Variants in TAFA5 observed in about 807,000 individuals in gnomAD.
The protein encoded by TAFA5 is chemokine-like protein TAFA-5.
TAFA5 carries 6 observed loss-of-function variants against 15.3 expected under a neutral mutation model. The observed-to-expected ratio is 0.39, with a 90% CI of 0.21 to 0.77. The LOEUF (loss-of-function observed/expected upper bound fraction) is 0.77. Ranked by LOEUF, TAFA5 falls within the 30% of genes least tolerant of loss-of-function variation. The pLI, the probability that TAFA5 is intolerant of heterozygous loss-of-function variation, is 0.41. For missense variants in TAFA5, 161 were observed against 193.1 expected, an observed-to-expected ratio of 0.83 and a Z score of 0.98; for synonymous variants, 103 against 80.7, an observed-to-expected ratio of 1.28 and a Z score of -1.48.
chr22:48,617,855 A>T (rs1331344152), intron 1 of TAFA5, among the ~76,000 whole-genome samples: 1 of 2,806 alleles, frequency 3.6e-4, no homozygotes, highest in African/African-American at 5.2e-3. Flanking sequence ...GGAGGTGCAC[A>T]AGCACATATG....
rs928029521 is a variant in TAFA5 at position 48,489,823 on chromosome 22, G to C, written c.112+119G>C. 3.8e-6 allele frequency: 2 copies of C among 529,220 alleles called. No individual in the cohort carries two copies. Among genetic ancestry groups the C allele is most frequent in the Admixed American group, 4.7e-5 (1 of 21,134 alleles). 32.8% of individuals were successfully genotyped at this position (529,220 alleles called of 1,614,324 possible). A position where few individuals can be genotyped will look rare whatever the true frequency, so the allele number is the denominator to read the frequency against. ...CGGCGCGGAGTTACGAGCGCCGGGC[G>C]CATGGTCCCCCGAGTCCCGGCCGGT... On this transcript the variant is annotated intron_variant, in intron 1 of 3. Coordinates refer to ENST00000402357, the MANE Select transcript of TAFA5 (RefSeq NM_001082967.3). The surrounding 1 kb of genome is among the most constrained non-coding windows in gnomAD (Gnocchi z 5.5).
intron 1 of TAFA5, among the ~76,000 whole-genome samples, chr22:48,625,777 T>C (rs1177265428): frequency 6.6e-6 from 1 of 152,238 alleles, no homozygotes; most frequent in Non-Finnish European, 1.5e-5. Flanking sequence ...TGCATGACGC[T>C]GTGTGTTCAC....
rs1435741390 is a variant in TAFA5 at position 48,503,307 on chromosome 22, GC to G, written c.112+13605del. On this transcript the variant is annotated intron_variant, in intron 1 of 3. Transcript: ENST00000402357. ...GTGAGTTGTGAAAAGTCTGGCTGGTGCCAGGTGCATGGGAAGCCACTGACTC... is the reference window on the plus strand; with the variant it reads ...GTGAGTTGTGAAAAGTCTGGCTGGTGCAGGTGCATGGGAAGCCACTGACTC... 2.0e-5 allele frequency among the ~76,000 whole-genome samples: 3 copies of G among 152,252 alleles called. No individual in the cohort carries two copies. In the East Asian group the frequency reaches 5.8e-4, roughly 29 times the overall value.
intron 1 of TAFA5, among the ~76,000 whole-genome samples, chr22:48,584,841 C>A (rs932315920): frequency 6.7e-6 from 1 of 150,322 alleles, no homozygotes; most frequent in Non-Finnish European, 1.5e-5. Flanking sequence ...ATACAACACA[C>A]AGCACACAAC....
chr22:48,605,213 A>ATGATGGTGATGGTGATGATGGTGGTGG (rs1925123431), intron 1 of TAFA5, among the ~76,000 whole-genome samples: 1 of 1,580 alleles, frequency 6.3e-4, no homozygotes, highest in Admixed American at 5.0e-3. Flanking sequence ...GATGGTGGTG[A>ATGATGGTGATGGTGATGATGGTGGTGG]TGGTGGTGAT....
At chr22:48,689,081 T>A (rs1018237378) in intron 2 of TAFA5, among the ~76,000 whole-genome samples, 4 of 151,772 alleles carry the variant, frequency 2.6e-5, no homozygotes, top group Non-Finnish European at 5.9e-5. Context: ...CCTATGTATG[T>A]CCTTGGTGTG....
chr22:48,694,824 TCCGACCTCCGCCCCC>T, intron 2 of TAFA5, among the ~76,000 whole-genome samples: 1 of 25,618 alleles, frequency 3.9e-5, no homozygotes. Flanking sequence ...CCGCCGCCGC[TCCGACCTCCGCCCCC>T]ACCCCCCGCC....
chr22:48,649,952 AGCCGGG>A (rs1409688031), intron 2 of TAFA5, among the ~76,000 whole-genome samples: 1 of 152,180 alleles, frequency 6.6e-6, no homozygotes, highest in East Asian at 1.9e-4. Flanking sequence ...GTGCCTCAGG[AGCCGGG>A]TCCCAGAGAC....
intron 2 of TAFA5, among the ~76,000 whole-genome samples, chr22:48,647,865 G>A (rs538136290): frequency 2.6e-5 from 4 of 152,270 alleles, no homozygotes; most frequent in East Asian, 3.9e-4. Flanking sequence ...GGTGAGATGC[G>A]GAGTCCCCTA....
chr22:48,659,645 T>G (rs978730210), intron 2 of TAFA5, among the ~76,000 whole-genome samples: 3 of 152,210 alleles, frequency 2.0e-5, no homozygotes, highest in African/African-American at 7.2e-5. Context: ...TCTCGCCCTG[T>G]CCTGGTTTGA....
intron 2 of TAFA5, among the ~76,000 whole-genome samples, chr22:48,681,072 G>T (rs185730530): frequency 6.6e-6 from 1 of 152,224 alleles, no homozygotes; most frequent in Non-Finnish European, 1.5e-5. Context: ...TCAGTGGATT[G>T]CTCAGAATAT....
At chr22:48,600,809 A>G (rs1924940860) in intron 1 of TAFA5, among the ~76,000 whole-genome samples, 1 of 152,192 alleles carries the variant, frequency 6.6e-6, no homozygotes. Context: ...GACTCAAGCC[A>G]TAGCTGCTGC....
At chr22:48,613,464 A>ACT (rs1925485589) in intron 1 of TAFA5, among the ~76,000 whole-genome samples, 1 of 150,132 alleles carries the variant, frequency 6.7e-6, no homozygotes, top group Admixed American at 6.6e-5. Flanking sequence ...CATCTCCCCC[A>ACT]CTCTGTTTGT....
chr22:48,714,942 C>T (rs993558511), intron 3 of TAFA5, among the ~76,000 whole-genome samples: 7 of 152,322 alleles, frequency 4.6e-5, no homozygotes, highest in East Asian at 3.9e-4. Flanking sequence ...TCTCTGCATC[C>T]GTCTTCATGG....
chr22:48,704,386 A>G (rs1423717880), intron 2 of TAFA5, among the ~76,000 whole-genome samples: 1 of 152,146 alleles, frequency 6.6e-6, no homozygotes, highest in East Asian at 1.9e-4. Flanking sequence ...AACACGATGC[A>G]TCAGGGATGG....
At chr22:48,500,392 TC>T (rs1271465632) in intron 1 of TAFA5, among the ~76,000 whole-genome samples, 4 of 152,220 alleles carry the variant, frequency 2.6e-5, no homozygotes, top group Non-Finnish European at 5.9e-5. Flanking sequence ...GAAACATTGC[TC>T]GACAAACACC....
chr22:48,545,365 A>T, intron 1 of TAFA5: 1 of 205,804 alleles, frequency 4.9e-6, no homozygotes, highest in Non-Finnish European at 1.0e-5. Flanking sequence ...GATTGCAATT[A>T]TTTGGCTGCT....
At chr22:48,576,469 T>C in intron 1 of TAFA5, 1 of 1,442,174 alleles carries the variant, frequency 6.9e-7, no homozygotes, top group Non-Finnish European at 9.2e-7. Context: ...TCGGCCGAGT[T>C]GGGACTCCGC....
chr22:48,516,592 G>T (rs1053198225), intron 1 of TAFA5, among the ~76,000 whole-genome samples: 2 of 152,264 alleles, frequency 1.3e-5, no homozygotes, highest in Non-Finnish European at 2.9e-5. Flanking sequence ...AGCTCTGAAC[G>T]TTGCAGGGTG....
Sources: allele counts gnomAD v4.1 joint callset (sites outside exome capture counted in the v4.1 genomes callset), GRCh38; gene constraint gnomAD v4.1.1; non-coding constraint Gnocchi (gnomAD v3.1); transcripts MANE v1.5; gene names NCBI Gene and HGNC (gene_info 2026-07-23, HGNC 2026-07-21).